The following MCOLN2 variants were observed in gnomAD, a reference collection of about 807,000 sequenced individuals.
MCOLN2 encodes mucolipin-2.
In MCOLN2, 57 loss-of-function variants were observed where a neutral mutation model predicts 67.5. That is an observed-to-expected ratio of 0.84 (90% CI 0.68 to 1.05). The LOEUF (loss-of-function observed/expected upper bound fraction) is 1.05. Ranked by LOEUF, MCOLN2 falls within the 50% of genes least tolerant of loss-of-function variation. The pLI is 0.00. For synonymous variants in MCOLN2, 246 were observed against 233.3 expected, an observed-to-expected ratio of 1.05 and a Z score of -0.50; for missense variants, 620 against 678.8, an observed-to-expected ratio of 0.91 and a Z score of 0.96.
chr1:84,980,209 GA>G (rs1650187949), intron 1 of MCOLN2, among the ~76,000 whole-genome samples: 1 of 152,034 alleles, frequency 6.6e-6, no homozygotes, highest in Non-Finnish European at 1.5e-5. Flanking sequence ...TCATAAATTG[GA>G]AGAATCAATA....
chr1:84,958,721 T>C lies in MCOLN2; in HGVS notation c.238-19A>G. ...GAACAAGCTAAAAAATAAAATAAAA[T>C]AGAAACACATGAATTACACCATTTA... is the stretch of plus-strand genomic sequence containing the variant. On this transcript the variant is annotated intron_variant, in intron 2 of 13. Coordinates refer to ENST00000370608, the MANE Select transcript of MCOLN2 (RefSeq NM_153259.4). 1 of 1,544,722 alleles carries C rather than the reference T, an allele frequency of 6.5e-7. No individual in the cohort carries two copies. Among genetic ancestry groups the C allele is most frequent in the Non-Finnish European group, 8.7e-7 (1 of 1,148,262 alleles).
rs1570980677 is a variant in MCOLN2 at position 84,952,158 on chromosome 1, T to C, written c.747+85A>G. 3 of 812,380 alleles carry C rather than the reference T, an allele frequency of 3.7e-6. No individual in the cohort carries two copies. In the East Asian group the frequency reaches 7.7e-5, roughly 21 times the overall value. The allele number at this position is 812,380 out of a possible 1,614,324, so 50.3% of individuals were successfully genotyped here. A position where few individuals can be genotyped will look rare whatever the true frequency, so the allele number is the denominator to read the frequency against. On this transcript the variant is annotated intron_variant, in intron 6 of 13. Transcript: ENST00000370608. ...AACATGACTGCATTTAACACATCTG[T>C]AGGCTGCTGTGTTTTATACTCTGCA...
rs560589817 is a variant in MCOLN2 at position 84,989,344 on chromosome 1, TA to T, written c.77+7451del. On this transcript the variant is annotated intron_variant, in intron 1 of 13. Coordinates refer to ENST00000370608, the MANE Select transcript of MCOLN2 (RefSeq NM_153259.4). ...AAAATATTAGTATTAAAAAGTGAATTAAAAATATATTTAAAAGTAAGTCTTA... is the reference window on the plus strand; with the variant it reads ...AAAATATTAGTATTAAAAAGTGAATTAAAATATATTTAAAAGTAAGTCTTA... 5.1e-4 allele frequency among the ~76,000 whole-genome samples: 78 copies of T among 152,284 alleles called. 2 individuals carry two copies. Among genetic ancestry groups the T allele is most frequent in the African/African-American group, 1.8e-3 (74 of 41,572 alleles).
intron 13 of MCOLN2, among the ~76,000 whole-genome samples, chr1:84,928,585 T>C (rs1557625571): frequency 1.3e-5 from 2 of 152,240 alleles, no homozygotes; most frequent in Admixed American, 1.3e-4. Flanking sequence ...TTGAGAGACT[T>C]TCCTTATACA....
At position 84,926,145 on chromosome 1, in the gene MCOLN2, CA is replaced by C. The variant is rs1354951729; in HGVS notation, c.*539del. On this transcript the variant is annotated 3_prime_UTR_variant, in exon 14 of 14. Transcript: ENST00000370608. ...GCTCAGTCTGCCTGCCTAGGCCTCC[CA>C]AAGTGCTGGGATTACAGGTGTGAAC... 6.6e-6 allele frequency: 1 copy of C among 152,670 alleles called. No individual in the cohort carries two copies. The highest frequency in any genetic ancestry group is 6.5e-5 in the Admixed American group (1 of 15,302). 9.5% of individuals were successfully genotyped at this position (152,670 alleles called of 1,614,324 possible). A position where few individuals can be genotyped will look rare whatever the true frequency, so the allele number is the denominator to read the frequency against.
rs554184708 is a variant in MCOLN2, at chr1:84,959,590, T to G, written c.238-888A>C. ...GCACATTCACACTCTCTCACGTGCG[T>G]CCTCTCTGTCTCTCTCACATACATA... On this transcript the variant is annotated intron_variant, in intron 2 of 13. Transcript: ENST00000370608. 5.9e-4 allele frequency among the ~76,000 whole-genome samples: 89 copies of G among 152,108 alleles called. 1 individual carries two copies. The highest frequency in any genetic ancestry group is 2.1e-3 in the African/African-American group (86 of 41,508).
rs749117516 is a variant in MCOLN2, at chr1:84,952,268, G to A, written c.722C>T (p.Pro241Leu). 5 of 1,612,680 alleles carry A rather than the reference G, an allele frequency of 3.1e-6. No individual in the cohort carries two copies. The East Asian group carries it at 6.7e-5, about 22-fold the overall frequency. ...CGTATTCTGAAAGACATAACAGTCT[G>A]GTAACTCACGGGAATGAATTGTCTG... ...DLQTIHSREL[P>L]DCYVFQNTII... Residue 241 changes from proline to leucine, a missense_variant, in exon 6 of 14, where the codon CCA becomes CTA. By Grantham distance (98) the Pro-to-Leu change is moderately conservative. Coordinates refer to ENST00000370608, the MANE Select transcript of MCOLN2 (RefSeq NM_153259.4).
At chr1:84,970,765 T>C (rs1182759810) in intron 1 of MCOLN2, among the ~76,000 whole-genome samples, 1 of 152,156 alleles carries the variant, frequency 6.6e-6, no homozygotes, top group Non-Finnish European at 1.5e-5. Context: ...GGAGCAAATG[T>C]GAATAGATAA....
chr1:84,988,695 A>AT (rs1307395963), intron 1 of MCOLN2, among the ~76,000 whole-genome samples: 2 of 152,078 alleles, frequency 1.3e-5, no homozygotes, highest in East Asian at 1.9e-4. Flanking sequence ...CAGAGGGGTA[A>AT]TTTTAAAAGC....
chr1:84,952,520 T>C lies in MCOLN2; in HGVS notation c.576A>G (p.Gln192=), dbSNP rs1294794099. Residue 192 remains glutamine, a synonymous_variant, in exon 5 of 14, where the codon CAA becomes CAG. Transcript: ENST00000370608. ...TCTTGGAGAGGTCCTGAAGGTCTAATTGAACACAATCTAGGGCAATGAAAG... is the reference window on the plus strand; with the variant it reads ...TCTTGGAGAGGTCCTGAAGGTCTAACTGAACACAATCTAGGGCAATGAAAG... ...IDNDVELDCV[Q]LDLQDLSKKP... is the part of the protein sequence containing the mutation. 5.0e-6 allele frequency: 8 copies of C among 1,608,638 alleles called. No homozygotes were observed. The South Asian group carries it at 5.5e-5, about 11-fold the overall frequency.
At chr1:84,960,888 G>GAAC (rs3053881) in intron 2 of MCOLN2, among the ~76,000 whole-genome samples, 53,034 of 151,880 alleles carry the variant, frequency 0.35, 9,555 homozygotes, top group African/African-American at 0.42. Flanking sequence ...ACGTGGAAAA[G>GAAC]AACACTGCAT....
Position 84,956,331 on chromosome 1 carries a change from C to T in MCOLN2, c.565+100G>A. ...TCAGCCCCTAACAGGTTAGCTCTCA[C>T]CAAAGCAAAGTTTTTCCATCTGGGT... On this transcript the variant is annotated intron_variant, in intron 4 of 13. Transcript: ENST00000370608. 3.1e-6 allele frequency: 4 copies of T among 1,274,882 alleles called. No individual in the cohort carries two copies. The South Asian group carries it at 3.9e-5, about 13-fold the overall frequency. 79.0% of individuals were successfully genotyped at this position (1,274,882 alleles called of 1,614,324 possible).
At chr1:84,955,583 T>C (rs1404628832) in intron 4 of MCOLN2, among the ~76,000 whole-genome samples, 6 of 152,082 alleles carry the variant, frequency 3.9e-5, no homozygotes, top group Non-Finnish European at 7.4e-5. Flanking sequence ...TTATTCTAAA[T>C]GGGATGGGAA....
intron 1 of MCOLN2, among the ~76,000 whole-genome samples, chr1:84,987,569 G>GATATATACATCT (rs1650650291): frequency 2.6e-5 from 2 of 76,188 alleles, no homozygotes; most frequent in African/African-American, 1.1e-4. Context: ...TGTATACATA[G>GATATATACATCT]ATGTATACAT....
chr1:84,979,371 T>TA (rs1453543273), intron 1 of MCOLN2, among the ~76,000 whole-genome samples: 2 of 151,734 alleles, frequency 1.3e-5, no homozygotes, highest in Non-Finnish European at 2.9e-5. Flanking sequence ...CAAAGACACA[T>TA]AAAAAAAATT....
At chr1:84,946,588 A>G (rs1648123944) in intron 7 of MCOLN2, among the ~76,000 whole-genome samples, 1 of 152,202 alleles carries the variant, frequency 6.6e-6, no homozygotes, top group South Asian at 2.1e-4. Flanking sequence ...ATGCTCCAAT[A>G]AGCATTTCCT....
intron 11 of MCOLN2, chr1:84,937,442 T>A: frequency 3.4e-6 from 1 of 294,716 alleles, no homozygotes; most frequent in Non-Finnish European, 5.6e-6. Context: ...TTAATTTTCA[T>A]TTTTAATATA....
intron 11 of MCOLN2, among the ~76,000 whole-genome samples, chr1:84,935,205 G>A (rs1046283291): frequency 1.3e-5 from 2 of 152,174 alleles, no homozygotes; most frequent in African/African-American, 4.8e-5. Flanking sequence ...GATTCAAAGA[G>A]GCAGCAATAT....
chr1:84,971,274 T>C (rs1649667402), intron 1 of MCOLN2, among the ~76,000 whole-genome samples: 2 of 152,182 alleles, frequency 1.3e-5, no homozygotes, highest in African/African-American at 4.8e-5. Flanking sequence ...TAAAGGTGCA[T>C]GATGAGATAG....
Sources: gnomAD v4.1 joint callset for allele counts (sites outside exome capture counted in the v4.1 genomes callset) on GRCh38, gnomAD v4.1.1 for gene constraint, MANE v1.5 for transcripts, NCBI Gene and HGNC (gene_info 2026-07-23, HGNC 2026-07-21) for gene names.